Variants in R3HDM1 observed in about 807,000 individuals in gnomAD.
The protein encoded by R3HDM1 is R3H domain containing 1, also known as R3H domain-containing protein 1.
A neutral mutation model predicts 141.1 loss-of-function variants in R3HDM1; 46 were observed. The ratio of observed to expected loss-of-function variants is 0.33; its 90% CI spans 0.26 to 0.42. The LOEUF (loss-of-function observed/expected upper bound fraction) is 0.42. R3HDM1 is among the 10% of genes least tolerant of loss of function. R3HDM1 has a pLI of 1.00. For missense variants in R3HDM1, 1,184 were observed against 1,368.3 expected, an observed-to-expected ratio of 0.87 and a Z score of 2.12; for synonymous variants, 435 against 472.9, an observed-to-expected ratio of 0.92 and a Z score of 1.04.
intron 3 of R3HDM1, among the ~76,000 whole-genome samples, chr2:135,615,093 G>A (rs1007117436): frequency 6.6e-6 from 1 of 151,946 alleles, no homozygotes; most frequent in Non-Finnish European, 1.5e-5. Context: ...TTGTTGTTCT[G>A]TAGTTTGTAT....
intron 3 of R3HDM1, among the ~76,000 whole-genome samples, chr2:135,608,746 A>G (rs954265780): frequency 6.6e-6 from 1 of 152,166 alleles, no homozygotes; most frequent in Non-Finnish European, 1.5e-5. Flanking sequence ...GTTTGGATGT[A>G]TGTAGCAAAT....
At chr2:135,694,953 G>A (rs2073015435) in intron 21 of R3HDM1, among the ~76,000 whole-genome samples, 1 of 152,096 alleles carries the variant, frequency 6.6e-6, no homozygotes, top group Non-Finnish European at 1.5e-5. Context: ...TCATAATACA[G>A]GAAGCAACAA....
chr2:135,594,224 A>G (rs983334473), intron 1 of R3HDM1, among the ~76,000 whole-genome samples: 3 of 152,196 alleles, frequency 2.0e-5, no homozygotes, highest in African/African-American at 7.2e-5. Context: ...ATTAAGATAT[A>G]TGTATAGTTC....
At chr2:135,622,502 C>T (rs2061606946) in intron 6 of R3HDM1, 152 bp from the exon 7 acceptor site, 1 of 1,323,408 alleles carries the variant, frequency 7.6e-7, no homozygotes, top group African/African-American at 1.5e-5. Context: ...ATCGTGGTCA[C>T]CTGATTTCAT....
intron 1 of R3HDM1, among the ~76,000 whole-genome samples, chr2:135,573,800 A>G (rs1008215764): frequency 2.0e-5 from 3 of 152,178 alleles, no homozygotes; most frequent in African/African-American, 7.2e-5. Flanking sequence ...AACAAAACAA[A>G]TAATTGGCAG....
At chr2:135,696,492 G>A (rs1248189689) in intron 21 of R3HDM1, among the ~76,000 whole-genome samples, 1 of 152,020 alleles carries the variant, frequency 6.6e-6, no homozygotes, top group Non-Finnish European at 1.5e-5. Context: ...AAAATAATCT[G>A]AGTCTTAAAT....
At chr2:135,547,822 A>G (rs6720066) in intron 1 of R3HDM1, among the ~76,000 whole-genome samples, 36,499 of 136,754 alleles carry the variant, frequency 0.27, 8,195 homozygotes, top group African/African-American at 0.61. Flanking sequence ...CGCCCAGGCT[A>G]GAGTGCAGTG....
chr2:135,666,808 CTAA>C (rs2105322106), intron 19 of R3HDM1, among the ~76,000 whole-genome samples: 2 of 151,716 alleles, frequency 1.3e-5, no homozygotes, highest in African/African-American at 4.8e-5. Flanking sequence ...TGCCCACCTA[CTAA>C]AATAGTGCCA....
chr2:135,543,160 G>A, intron 1 of R3HDM1: 2 of 872,616 alleles, frequency 2.3e-6, no homozygotes, highest in Non-Finnish European at 2.8e-6. Flanking sequence ...TATGGTGTGA[G>A]ATAGGGGTTC....
chr2:135,558,788 T>G (rs923089676), intron 1 of R3HDM1, among the ~76,000 whole-genome samples: 1 of 152,164 alleles, frequency 6.6e-6, no homozygotes, highest in Admixed American at 6.5e-5. Flanking sequence ...AATTTAAAAT[T>G]TTTATCAAAC....
chr2:135,648,830 C>CT lies in R3HDM1; in HGVS notation c.1624-1064dup, dbSNP rs890920777. 5.3e-5 allele frequency among the ~76,000 whole-genome samples: 8 copies of CT among 150,322 alleles called. No homozygotes were observed. The East Asian group carries it at 5.8e-4, about 11-fold the overall frequency. On this transcript the variant is annotated intron_variant, in intron 16 of 26. Transcript: ENST00000683871. ...GAGTGCCCCTGGGAAACATAAAACC[C>CT]TTTTTTTTCCTGAAACTCAGGAGTA...
At chr2:135,659,049 C>CTGTGTG (rs548436817) in intron 18 of R3HDM1, among the ~76,000 whole-genome samples, 21,322 of 126,238 alleles carry the variant, frequency 0.17, 1,923 homozygotes, top group Middle Eastern at 0.33. Context: ...CTACCTGAGT[C>CTGTGTG]TGTGTGTGTG....
intron 2 of R3HDM1, among the ~76,000 whole-genome samples, chr2:135,603,919 T>C (rs1402067345): frequency 2.0e-5 from 3 of 152,220 alleles, no homozygotes; most frequent in Admixed American, 1.3e-4. Flanking sequence ...GTTCTGCTGT[T>C]TTTATTACAT....
intron 19 of R3HDM1, among the ~76,000 whole-genome samples, chr2:135,671,162 C>T (rs965603504): frequency 1.5e-4 from 22 of 150,412 alleles, no homozygotes; most frequent in Admixed American, 1.4e-3. Context: ...TGTATTCTTT[C>T]TTTGAGTTCT....
rs1201101189 is a variant in R3HDM1 at position 135,553,982 on chromosome 2, G to T, written c.-250+22349G>T. 3.9e-5 allele frequency among the ~76,000 whole-genome samples: 6 copies of T among 152,242 alleles called. No individual in the cohort carries two copies. The East Asian group carries it at 9.6e-4, about 24-fold the overall frequency. On this transcript the variant is annotated intron_variant, in intron 1 of 26. Transcript: ENST00000683871. ...TGGGATTACAGGCATGAGCCACGACGCTCAGCCTCTGCTGGTTTTTTAAAC... is the reference window on the plus strand; with the variant it reads ...TGGGATTACAGGCATGAGCCACGACTCTCAGCCTCTGCTGGTTTTTTAAAC...
intron 1 of R3HDM1, among the ~76,000 whole-genome samples, chr2:135,566,358 A>G (rs1466827886): frequency 1.3e-5 from 2 of 152,198 alleles, no homozygotes; most frequent in African/African-American, 4.8e-5. Context: ...TCTTTGTACT[A>G]TCTTACATAG....
chr2:135,598,337 C>T (rs1464756671), intron 1 of R3HDM1, among the ~76,000 whole-genome samples: 4 of 152,108 alleles, frequency 2.6e-5, no homozygotes. Flanking sequence ...ACCATTAATA[C>T]AAAGTTAATA....
In R3HDM1 at chr2:135,614,911, A is replaced by G. The variant is rs557834755; in HGVS notation, c.172-1241A>G. On this transcript the variant is annotated intron_variant, in intron 3 of 26. Coordinates refer to ENST00000683871, the MANE Select transcript of R3HDM1 (RefSeq NM_001378107.1). The stretch of plus-strand genomic sequence containing the variant: ...ACTTTTATTGTTAGATGTGAGTTAC[A>G]GTTAATTAGAAATCCTCTTGAACAA... Among the ~76,000 whole-genome samples, 10 of 152,142 alleles carry G rather than the reference A, an allele frequency of 6.6e-5. No homozygotes were observed. In the South Asian group the frequency reaches 2.1e-3, roughly 32 times the overall value.
At chr2:135,641,055 A>G (rs2105246285) in intron 14 of R3HDM1, among the ~76,000 whole-genome samples, 1 of 152,300 alleles carries the variant, frequency 6.6e-6, no homozygotes, top group South Asian at 2.1e-4. Context: ...TTTGACAGTT[A>G]TTTGTCTTAA....
Sources: gnomAD v4.1 joint callset for allele counts (sites outside exome capture counted in the v4.1 genomes callset) on GRCh38, gnomAD v4.1.1 for gene constraint, MANE v1.5 for transcripts, NCBI Gene and HGNC (gene_info 2026-07-23, HGNC 2026-07-21) for gene names.